CD72: variants seen among roughly 807,000 people sequenced by gnomAD.
The protein encoded by CD72 is B-cell differentiation antigen CD72.
A neutral mutation model predicts 50.7 loss-of-function variants in CD72; 28 were observed. That is an observed-to-expected ratio of 0.55 (90% CI 0.41 to 0.76). The LOEUF (loss-of-function observed/expected upper bound fraction) is 0.76, where lower values mean the gene tolerates loss of function less well. CD72 is among the 30% of genes least tolerant of loss of function. The pLI is 0.00. For missense variants in CD72, 403 were observed against 420.6 expected (o/e 0.96, Z 0.37); for synonymous variants, 176 against 171.2 (o/e 1.03, Z -0.22).
At chr9:35,611,232 C>A (rs1050469381) in intron 7 of CD72, among the ~76,000 whole-genome samples, 8 of 149,678 alleles carry the variant, frequency 5.3e-5, no homozygotes, top group Non-Finnish European at 1.2e-4. Context: ...GTCTGGGCGA[C>A]AGAGCGAGAC....
In CD72 at chr9:35,611,830, C is replaced by G; in HGVS notation, c.924G>C (p.Lys308Asn). The change falls in exon 7 of 9, where the codon AAG becomes AAC. Residue 308 changes from lysine to asparagine, a missense_variant. Physicochemically the swap from Lys to Asn is moderately conservative, Grantham distance 94. Coordinates refer to ENST00000259633, the MANE Select transcript of CD72 (RefSeq NM_001782.3). Reference protein sequence around the residue: ...WTGLSSNKDWKLTDDTQRTRT... With the variant: ...WTGLSSNKDWNLTDDTQRTRT... The stretch of plus-strand genomic sequence containing the variant: ...TAGTGCGTTGTGTATCATCAGTCAA[C>G]TTCCAATCCTTGTTAGAGCTGAGGC... 1 of 1,609,472 alleles carries G rather than the reference C, an allele frequency of 6.2e-7. No individual in the cohort carries two copies. The highest frequency in any genetic ancestry group is 8.5e-7 in the Non-Finnish European group (1 of 1,175,666).
chr9:35,619,076 C>T (rs1423866280), upstream of CD72, among the ~76,000 whole-genome samples: 4 of 152,312 alleles, frequency 2.6e-5, no homozygotes, highest in South Asian at 8.3e-4. Flanking sequence ...TCCGGACCAG[C>T]GGAGGTCTTG....
chr9:35,633,400 T>C (rs1262256621), intron 1 of CD72, among the ~76,000 whole-genome samples: 1 of 152,192 alleles, frequency 6.6e-6, no homozygotes, highest in Non-Finnish European at 1.5e-5. Flanking sequence ...TAAAGCTTGC[T>C]ATCTTTTTGA....
At chr9:35,638,892 G>A (rs1296709314) in intron 1 of CD72, among the ~76,000 whole-genome samples, 4 of 152,184 alleles carry the variant, frequency 2.6e-5, no homozygotes, top group African/African-American at 4.8e-5. Context: ...ACACAAAGCT[G>A]TTAATTCTGA....
chr9:35,623,915 GA>G (rs1823169241), upstream of CD72, among the ~76,000 whole-genome samples: 1 of 144,086 alleles, frequency 6.9e-6, no homozygotes, highest in Admixed American at 6.9e-5. Flanking sequence ...CTCCGTCTCA[GA>G]AAAAAATGGG....
chr9:35,627,137 CTT>C (rs34386608), intron 1 of CD72, among the ~76,000 whole-genome samples: 5 of 129,312 alleles, frequency 3.9e-5, no homozygotes, highest in African/African-American at 5.7e-5. Flanking sequence ...CACGCCCGGC[CTT>C]TTTTTTTTTT....
At chr9:35,629,303 A>G (rs1341222692) in intron 1 of CD72, among the ~76,000 whole-genome samples, 1 of 152,084 alleles carries the variant, frequency 6.6e-6, no homozygotes, top group African/African-American at 2.4e-5. Flanking sequence ...ATATTTTTCT[A>G]TCCCCCCAGA....
At chr9:35,637,312 T>G (rs1389788098) in intron 1 of CD72, among the ~76,000 whole-genome samples, 1 of 152,188 alleles carries the variant, frequency 6.6e-6, no homozygotes, top group Non-Finnish European at 1.5e-5. Context: ...AAAGCCTGTT[T>G]GGTGGTCTCT....
At chr9:35,627,901 C>T (rs1823210840) in intron 1 of CD72, among the ~76,000 whole-genome samples, 3 of 151,832 alleles carry the variant, frequency 2.0e-5, no homozygotes, top group Admixed American at 2.0e-4. Context: ...AGTGGTTCGA[C>T]CATAGATCAC....
At chr9:35,615,765 G>A (rs1420322227) in intron 5 of CD72, among the ~76,000 whole-genome samples, 178 bp downstream of exon 5, 1 of 146,044 alleles carries the variant, frequency 6.8e-6, no homozygotes. Flanking sequence ...CCTAAATCTA[G>A]TATGCAGCTT....
chr9:35,637,698 G>C (rs1823303970), intron 1 of CD72, among the ~76,000 whole-genome samples: 1 of 152,142 alleles, frequency 6.6e-6, no homozygotes, highest in South Asian at 2.1e-4. Flanking sequence ...TCACTGCGGG[G>C]ATGCCTGCCT....
chr9:35,642,596 T>C (rs1050031057), intron 1 of CD72: 6 of 152,230 alleles, frequency 3.9e-5, no homozygotes, highest in African/African-American at 1.4e-4. Flanking sequence ...CTGTGACATA[T>C]AAAGAAAAGT....
chr9:35,616,318 C>T, intron 4 of CD72, 40 bp from the exon 5 acceptor site: 3 of 1,512,080 alleles, frequency 2.0e-6, no homozygotes, highest in South Asian at 2.4e-5. Context: ...CTTCTCCAGC[C>T]CTGCCCTAGT....
chr9:35,611,289 TAAG>T (rs1822980122), intron 7 of CD72, among the ~76,000 whole-genome samples: 2 of 151,470 alleles, frequency 1.3e-5, no homozygotes, highest in Non-Finnish European at 2.9e-5. Flanking sequence ...TTGAGGAACA[TAAG>T]GAGGTTGCCA....
chr9:35,611,916 A>C lies in CD72; in HGVS notation c.838T>G (p.Ser280Ala), dbSNP rs781560643. The part of the protein sequence containing the change: ...TFSEIYPQSH[S>A]YYFLNSLLPN... ...AACAGTGAATTTAAGAAGTAGTAAG[A>C]GTGCTGAGGGGAGATTCAGAGAGAC... Residue 280 changes from serine to alanine, a missense_variant, in exon 7 of 9, where the codon TCT (serine) becomes GCT (alanine). Coordinates refer to ENST00000259633, the MANE Select transcript of CD72 (RefSeq NM_001782.3). 1.3e-6 allele frequency: 2 copies of C among 1,500,176 alleles called. No homozygotes were observed. The highest frequency in any genetic ancestry group is 3.3e-5 in the Admixed American group (2 of 59,880). The allele number at this position is 1,500,176 out of a possible 1,614,324, so 92.9% of individuals were successfully genotyped here. A position where few individuals can be genotyped will look rare whatever the true frequency, so the allele number is the denominator to read the frequency against.
intron 1 of CD72, chr9:35,642,409 A>G (rs1040048449): frequency 6.6e-6 from 1 of 152,194 alleles, no homozygotes; most frequent in African/African-American, 2.4e-5. Context: ...CCACACAGTA[A>G]GATCACCTGT....
intron 1 of CD72, among the ~76,000 whole-genome samples, chr9:35,627,129 C>G (rs1454928165): frequency 6.7e-6 from 1 of 149,770 alleles, no homozygotes; most frequent in Non-Finnish European, 1.5e-5. Flanking sequence ...TGAGCCACCA[C>G]GCCCGGCCTT....
At chr9:35,615,841 T>G in intron 5 of CD72, 102 bp downstream of exon 5, 1 of 923,628 alleles carries the variant, frequency 1.1e-6, no homozygotes, top group Non-Finnish European at 1.6e-6. Flanking sequence ...TCACTGCCCC[T>G]TTCCTGAACA....
At position 35,618,398 on chromosome 9, in the gene CD72, T is replaced by G; in HGVS notation, c.-95A>C. On this transcript the variant is annotated 5_prime_UTR_variant, in exon 1 of 9. Transcript: ENST00000259633. ...TGTCCGTTTACAACTAGGCTCTGTGTTCCCTCTGTGACTGCACGGCTTAGC... is the reference window on the plus strand; with the variant it reads ...TGTCCGTTTACAACTAGGCTCTGTGGTCCCTCTGTGACTGCACGGCTTAGC... The G allele has an allele frequency of 6.3e-7, 1 of 1,578,436 alleles. No individual in the cohort carries two copies. The highest frequency in any genetic ancestry group is 8.6e-7 in the Non-Finnish European group (1 of 1,162,352).
Sources: allele counts gnomAD v4.1 joint callset (sites outside exome capture counted in the v4.1 genomes callset), GRCh38; gene constraint gnomAD v4.1.1; transcripts MANE v1.5; gene names NCBI Gene and HGNC (gene_info 2026-07-23, HGNC 2026-07-21).